PAM: variants seen among roughly 807,000 people sequenced by gnomAD.
PAM encodes peptidyl-glycine alpha-amidating monooxygenase.
Under a neutral mutation model 122.1 loss-of-function variants are expected in PAM, and 72 were observed. The ratio of observed to expected loss-of-function variants is 0.59; its 90% CI spans 0.49 to 0.72. The LOEUF (loss-of-function observed/expected upper bound fraction) is 0.72. Ranked by LOEUF, PAM falls within the 30% of genes least tolerant of loss-of-function variation. The pLI is 0.00. For synonymous variants in PAM, 389 were observed against 404.4 expected (o/e 0.96, Z 0.46); for missense variants, 1,106 against 1,183.7 (o/e 0.93, Z 0.96).
chr5:102,917,490 A>G (rs1745832064), intron 5 of PAM, among the ~76,000 whole-genome samples: 1 of 152,174 alleles, frequency 6.6e-6, no homozygotes, highest in South Asian at 2.1e-4. Context: ...AGTCATTCAC[A>G]CTCTAGGGAA....
chr5:102,875,189 C>CATTATT (rs10549667), intron 3 of PAM, among the ~76,000 whole-genome samples: 1 of 149,796 alleles, frequency 6.7e-6, no homozygotes, highest in African/African-American at 2.5e-5. Flanking sequence ...AAATTATTAT[C>CATTATT]ATTATTATTA....
intron 5 of PAM, among the ~76,000 whole-genome samples, chr5:102,917,641 C>T (rs978887179): frequency 1.2e-4 from 19 of 152,086 alleles, no homozygotes; most frequent in Admixed American, 5.2e-4. Context: ...ATTTTCATTG[C>T]GAGCAGGTTG....
chr5:102,901,428 G>C lies in PAM; in HGVS notation c.268+15G>C, dbSNP rs745491441. The C allele has an allele frequency of 8.2e-6, 12 of 1,462,118 alleles. No individual in the cohort carries two copies. The Admixed American group carries it at 1.5e-4, about 18-fold the overall frequency. 90.6% of individuals were successfully genotyped at this position (1,462,118 alleles called of 1,614,324 possible). On this transcript the variant is annotated intron_variant, in intron 4 of 25. Coordinates refer to ENST00000438793, the MANE Select transcript of PAM (RefSeq NM_001177306.2). ...AGCCTTCGTGAGTAAGTATTAATTGGATTGGGGGAGTAGCAGTTTAATGGA... is the reference window on the plus strand; with the variant it reads ...AGCCTTCGTGAGTAAGTATTAATTGCATTGGGGGAGTAGCAGTTTAATGGA...
intron 3 of PAM, among the ~76,000 whole-genome samples, chr5:102,899,671 A>C (rs1797136888): frequency 6.6e-6 from 1 of 151,748 alleles, no homozygotes; most frequent in Non-Finnish European, 1.5e-5. Context: ...CAGCTCCTGC[A>C]CTTTTTGGTG....
chr5:102,948,264 A>G (rs151322774), intron 8 of PAM, 114 bp from the exon 9 acceptor site: 183 of 575,296 alleles, frequency 3.2e-4, no homozygotes, highest in African/African-American at 3.0e-3. Flanking sequence ...TTCTACTTCA[A>G]TTTTCAAAAG....
At chr5:102,923,302 C>T (rs545703243) in intron 5 of PAM, among the ~76,000 whole-genome samples, 37 of 152,288 alleles carry the variant, frequency 2.4e-4, no homozygotes, top group Non-Finnish European at 2.2e-4. Flanking sequence ...ATATGTGCAA[C>T]GTGGGTGTTT....
At chr5:102,869,592 A>G (rs1040234429) in intron 3 of PAM, among the ~76,000 whole-genome samples, 3 of 152,176 alleles carry the variant, frequency 2.0e-5, no homozygotes, top group African/African-American at 4.8e-5. Flanking sequence ...ACCATGTGCC[A>G]TGAGTATGTA....
At chr5:102,851,283 G>T (rs1025048805) in intron 1 of PAM, among the ~76,000 whole-genome samples, 1 of 152,094 alleles carries the variant, frequency 6.6e-6, no homozygotes, top group Non-Finnish European at 1.5e-5. Context: ...ATTGGAACAC[G>T]TTGCATAATT....
chr5:103,018,006 C>G (rs1367933372), intron 22 of PAM, among the ~76,000 whole-genome samples: 2 of 152,118 alleles, frequency 1.3e-5, no homozygotes, highest in African/African-American at 4.8e-5. Context: ...TTGGAGTTTT[C>G]TAATTGGAAT....
At chr5:103,007,713 A>G in intron 20 of PAM, 56 bp downstream of exon 20, 1 of 1,126,766 alleles carries the variant, frequency 8.9e-7, no homozygotes, top group African/African-American at 1.6e-5. Flanking sequence ...TATCCTTAAA[A>G]ATTGTGTTAT....
At chr5:102,756,792 T>C (rs1441143181) in intron 1 of PAM, among the ~76,000 whole-genome samples, 1 of 152,082 alleles carries the variant, frequency 6.6e-6, no homozygotes, top group African/African-American at 2.4e-5. Context: ...TTAGAATTGA[T>C]ATTAAATGGT....
intron 1 of PAM, among the ~76,000 whole-genome samples, chr5:102,759,364 T>C (rs2149654821): frequency 6.6e-6 from 1 of 152,236 alleles, no homozygotes; most frequent in Admixed American, 6.5e-5. Flanking sequence ...GGGAGCATGA[T>C]GCCTTAGAAT....
At chr5:102,841,710 A>T (rs1778687618) in intron 1 of PAM, among the ~76,000 whole-genome samples, 1 of 152,186 alleles carries the variant, frequency 6.6e-6, no homozygotes, top group African/African-American at 2.4e-5. Context: ...TCAAAATCTC[A>T]CTAAGACTTT....
intron 1 of PAM, among the ~76,000 whole-genome samples, chr5:102,864,720 T>G (rs1785055088): frequency 6.6e-6 from 1 of 152,186 alleles, no homozygotes; most frequent in African/African-American, 2.4e-5. Context: ...GTTACACATC[T>G]TCCCATCAAA....
At chr5:102,935,031 T>G (rs1752805118) in intron 7 of PAM, among the ~76,000 whole-genome samples, 1 of 152,146 alleles carries the variant, frequency 6.6e-6, no homozygotes, top group Non-Finnish European at 1.5e-5. Context: ...CTGAACTTTA[T>G]TTTTCCTCTT....
chr5:103,017,982 C>T (rs1343246359), intron 22 of PAM, among the ~76,000 whole-genome samples: 2 of 152,128 alleles, frequency 1.3e-5, no homozygotes, highest in African/African-American at 4.8e-5. Context: ...CCATCAGGAT[C>T]CTGCCAACTA....
At chr5:102,758,507 C>A (rs117382323) in intron 1 of PAM, among the ~76,000 whole-genome samples, 1 of 152,240 alleles carries the variant, frequency 6.6e-6, no homozygotes, top group Non-Finnish European at 1.5e-5. Flanking sequence ...CATTTGAATG[C>A]GAAAGCTAAT....
At chr5:102,991,042 A>G (rs1460635444) in intron 16 of PAM, among the ~76,000 whole-genome samples, 2 of 152,196 alleles carry the variant, frequency 1.3e-5, no homozygotes, top group East Asian at 1.9e-4. Context: ...ACCTCCTTAG[A>G]GGGATTTTTA....
intron 3 of PAM, chr5:102,895,816 T>C (rs1796047315): frequency 6.6e-6 from 1 of 151,714 alleles, no homozygotes; most frequent in African/African-American, 2.4e-5. Context: ...ACAGATTTGA[T>C]ACATACAGTT....
Sources: allele counts gnomAD v4.1 joint callset (sites outside exome capture counted in the v4.1 genomes callset), GRCh38; gene constraint gnomAD v4.1.1; transcripts MANE v1.5; gene names NCBI Gene and HGNC (gene_info 2026-07-23, HGNC 2026-07-21).